Variants in SRGAP3 observed in about 807,000 individuals in gnomAD.
SRGAP3 encodes the protein SLIT-ROBO Rho GTPase activating protein 3, also known as SLIT-ROBO Rho GTPase-activating protein 3.
Under a neutral mutation model 121.1 loss-of-function variants are expected in SRGAP3, and 39 were observed. The observed-to-expected ratio is 0.32, with a 90% CI of 0.25 to 0.42. SRGAP3 has a LOEUF of 0.42. Among genes scored for constraint, SRGAP3 ranks in the 10% least tolerant of loss-of-function variants. The pLI, the probability that SRGAP3 is intolerant of heterozygous loss-of-function variation, is 1.00. For missense variants in SRGAP3, 1,213 were observed against 1,470.6 expected, an observed-to-expected ratio of 0.82 and a Z score of 2.86; for synonymous variants, 601 against 570.0, an observed-to-expected ratio of 1.05 and a Z score of -0.77.
chr3:9,275,622 C>T (rs112617732), intron 3 of SRGAP3, among the ~76,000 whole-genome samples: 2,667 of 152,208 alleles, frequency 0.018, 78 homozygotes, highest in African/African-American at 0.058. Context: ...ATAAGGCTCA[C>T]GACATGTGAT....
At chr3:9,085,046 A>G (rs1947397788) in intron 3 of SRGAP3, among the ~76,000 whole-genome samples, 1 of 152,168 alleles carries the variant, frequency 6.6e-6, no homozygotes, top group East Asian at 1.9e-4. Context: ...TCTTCTCTGC[A>G]CTTGTAAATG....
intron 1 of SRGAP3, among the ~76,000 whole-genome samples, chr3:9,169,830 G>A (rs1318992830): frequency 6.6e-6 from 1 of 152,206 alleles, no homozygotes; most frequent in African/African-American, 2.4e-5. Flanking sequence ...TTTCTGAAGG[G>A]GAGGATGGGT....
chr3:9,354,254 A>G (rs2030360637), intron 1 of SRGAP3, among the ~76,000 whole-genome samples: 2 of 152,226 alleles, frequency 1.3e-5, no homozygotes, highest in African/African-American at 4.8e-5. Flanking sequence ...AGAGCCATGA[A>G]GGTAATCACC....
At chr3:9,155,847 G>A (rs547671291) in intron 1 of SRGAP3, among the ~76,000 whole-genome samples, 6 of 152,128 alleles carry the variant, frequency 3.9e-5, no homozygotes, top group South Asian at 4.1e-4. Context: ...ACGGAGTCTC[G>A]CTCTGTCGCC....
chr3:9,278,214 C>T (rs1206649763), intron 3 of SRGAP3, among the ~76,000 whole-genome samples: 1 of 152,196 alleles, frequency 6.6e-6, no homozygotes, highest in Non-Finnish European at 1.5e-5. Flanking sequence ...TCTGTTTGAT[C>T]ACCAGGCCTC....
chr3:9,264,014 T>C (rs1238519862), intron 3 of SRGAP3, among the ~76,000 whole-genome samples: 1 of 152,196 alleles, frequency 6.6e-6, no homozygotes, highest in Non-Finnish European at 1.5e-5. Flanking sequence ...TTCTAAAGCT[T>C]ATCCACCACA....
intron 3 of SRGAP3, among the ~76,000 whole-genome samples, chr3:9,265,322 T>C (rs1954336377): frequency 6.6e-6 from 1 of 152,068 alleles, no homozygotes; most frequent in Non-Finnish European, 1.5e-5. Context: ...GGGCAAAGAC[T>C]TCATGACTAA....
chr3:9,085,354 C>T (rs1037582709), intron 3 of SRGAP3, among the ~76,000 whole-genome samples: 1 of 152,228 alleles, frequency 6.6e-6, no homozygotes, highest in Non-Finnish European at 1.5e-5. Flanking sequence ...TGCTTCTACA[C>T]TGTTGGTGGG....
intron 1 of SRGAP3, among the ~76,000 whole-genome samples, chr3:9,197,836 C>G (rs1951959169): frequency 6.6e-6 from 1 of 152,206 alleles, no homozygotes; most frequent in African/African-American, 2.4e-5. Flanking sequence ...TAAAGGGCTT[C>G]CTTCACAGCC....
chr3:9,304,772 A>C (rs990596599), intron 3 of SRGAP3, among the ~76,000 whole-genome samples: 1 of 151,974 alleles, frequency 6.6e-6, no homozygotes, highest in Non-Finnish European at 1.5e-5. Flanking sequence ...AGGGCTTCCC[A>C]TTTCCAATTT....
intron 3 of SRGAP3, among the ~76,000 whole-genome samples, chr3:9,263,511 T>C (rs1177400973): frequency 6.6e-6 from 1 of 151,940 alleles, no homozygotes; most frequent in Non-Finnish European, 1.5e-5. Flanking sequence ...ATGAATCAAA[T>C]AGACACAAGA....
chr3:9,339,607 T>A (rs1163161400), intron 1 of SRGAP3, among the ~76,000 whole-genome samples: 2 of 152,220 alleles, frequency 1.3e-5, no homozygotes, highest in African/African-American at 4.8e-5. Context: ...ATCGGCTGAT[T>A]GTTTCCAGAA....
At chr3:9,093,945 T>C (rs1947864490) in intron 3 of SRGAP3, among the ~76,000 whole-genome samples, 1 of 152,160 alleles carries the variant, frequency 6.6e-6, no homozygotes, top group Admixed American at 6.5e-5. Context: ...ATCTAAAACA[T>C]GCAGAAAAGG....
Position 9,058,198 on chromosome 3 carries a change from A to G in SRGAP3, c.1023+53T>C, listed in dbSNP as rs572288540. 8.7e-5 allele frequency: 138 copies of G among 1,582,576 alleles called. No individual in the cohort carries two copies. The African/African-American group carries it at 1.5e-3, about 17-fold the overall frequency. On this transcript the variant is annotated intron_variant, in intron 7 of 21. Coordinates refer to ENST00000383836, the MANE Select transcript of SRGAP3 (RefSeq NM_014850.4). Reference sequence around the variant, plus strand: ...AACCAGGGATGATGTACTGGAGCACATGGGGGAACAGAGGGAAGCAGCCCC... The same window carrying G: ...AACCAGGGATGATGTACTGGAGCACGTGGGGGAACAGAGGGAAGCAGCCCC...
chr3:9,114,373 C>G (rs73017500), intron 2 of SRGAP3, among the ~76,000 whole-genome samples: 10,406 of 152,182 alleles, frequency 0.068, 414 homozygotes, highest in African/African-American at 0.085. Context: ...AGATCTAAGG[C>G]CTGATGTACA....
chr3:9,017,913 G>A (rs913594583), intron 14 of SRGAP3, among the ~76,000 whole-genome samples: 1 of 152,108 alleles, frequency 6.6e-6, no homozygotes, highest in African/African-American at 2.4e-5. Context: ...GTGTTGCTAA[G>A]TATCGTCACC....
chr3:9,004,326 T>C (rs1339268936), intron 18 of SRGAP3, among the ~76,000 whole-genome samples: 1 of 152,226 alleles, frequency 6.6e-6, no homozygotes, highest in South Asian at 2.1e-4. Flanking sequence ...GACTTAACAC[T>C]ACTAAGAGGG....
chr3:9,234,607 C>G (rs1158701842), intron 1 of SRGAP3, among the ~76,000 whole-genome samples: 3 of 152,158 alleles, frequency 2.0e-5, no homozygotes, highest in Non-Finnish European at 4.4e-5. Context: ...CTCTACCCGC[C>G]TACAGAAATC....
chr3:9,106,655 G>C (rs778974197), intron 2 of SRGAP3, among the ~76,000 whole-genome samples: 51 of 152,082 alleles, frequency 3.4e-4, no homozygotes, highest in Non-Finnish European at 6.2e-4. Flanking sequence ...CTTATCAGGG[G>C]TTTCTGCTTT....
Sources: gnomAD v4.1 joint callset for allele counts (sites outside exome capture counted in the v4.1 genomes callset) on GRCh38, gnomAD v4.1.1 for gene constraint, MANE v1.5 for transcripts, NCBI Gene and HGNC (gene_info 2026-07-23, HGNC 2026-07-21) for gene names.